Variants in CHRDL1 observed in about 807,000 individuals in gnomAD.
The protein encoded by CHRDL1 is chordin like 1, also known as chordin-like protein 1.
In CHRDL1, 19 loss-of-function variants were observed where a neutral mutation model predicts 40.9. That is an observed-to-expected ratio of 0.46 (90% CI 0.32 to 0.68). CHRDL1 has a LOEUF of 0.68. Ranked by LOEUF, CHRDL1 falls within the 30% of genes least tolerant of loss-of-function variation. CHRDL1 has a pLI of 0.03. For missense variants in CHRDL1, 329 were observed against 352.1 expected (o/e 0.93, Z 0.53); for synonymous variants, 136 against 123.4 (o/e 1.10, Z -0.68).
intron 6 of CHRDL1, among the ~76,000 whole-genome samples, chrX:110,707,895 T>C (rs1324163975): frequency 1.8e-5 from 2 of 111,560 alleles, no homozygotes; most frequent in Non-Finnish European, 3.8e-5. Context: ...AATCTATCTA[T>C]CTGACAAAGA....
chrX:110,710,453 C>T (rs908666771), intron 6 of CHRDL1, among the ~76,000 whole-genome samples: 1 of 112,145 alleles, frequency 8.9e-6, no homozygotes, highest in Non-Finnish European at 1.9e-5. Context: ...GTCCTCCAAT[C>T]CCAGAAACAG....
At chrX:110,706,613 T>C (rs1490267618) in intron 6 of CHRDL1, among the ~76,000 whole-genome samples, 1 of 111,845 alleles carries the variant, frequency 8.9e-6, no homozygotes, top group East Asian at 2.8e-4. Context: ...AGAGGTAAAC[T>C]GTCCTCTCAA....
At chrX:110,791,797 T>C (rs1265477053) in intron 2 of CHRDL1, among the ~76,000 whole-genome samples, 1 of 112,133 alleles carries the variant, frequency 8.9e-6, no homozygotes, top group Non-Finnish European at 1.9e-5. Context: ...TTACGTAAAA[T>C]GTAATGAGAT....
At chrX:110,750,899 T>C (rs1349274217) in intron 4 of CHRDL1, among the ~76,000 whole-genome samples, 3 of 111,728 alleles carry the variant, frequency 2.7e-5, no homozygotes, top group Non-Finnish European at 5.6e-5. Context: ...TTCCAGAGTG[T>C]CTATGTGCTC....
chrX:110,695,905 A>C (rs1329147602), intron 7 of CHRDL1, among the ~76,000 whole-genome samples: 1 of 112,335 alleles, frequency 8.9e-6, no homozygotes, highest in Admixed American at 9.4e-5. Flanking sequence ...ATGTTGGTGC[A>C]TTGCTATCAA....
In CHRDL1 at chrX:110,689,668, T is replaced by A. The variant is rs1160214746; in HGVS notation, c.779-865A>T. 6.4e-4 allele frequency among the ~76,000 whole-genome samples: 25 copies of A among 39,310 alleles called. 6 individuals are homozygous for A. The highest frequency in any genetic ancestry group is 0.02 in the Middle Eastern group (1 of 51). The allele number at this position is 39,310 out of a possible 115,157, so 34.1% of individuals were successfully genotyped here. On this transcript the variant is annotated intron_variant, in intron 8 of 11. Transcript: ENST00000372042. ...TATATCTATATATCATCTATATATC[T>A]ATATATCTATATATCTATATATCTA...
At chrX:110,791,608 C>T (rs1463538039) in intron 2 of CHRDL1, among the ~76,000 whole-genome samples, 1 of 112,118 alleles carries the variant, frequency 8.9e-6, no homozygotes, top group Non-Finnish European at 1.9e-5. Context: ...TTCATCTGAG[C>T]CCAGTTCATA....
chrX:110,778,699 T>C (rs1201711008), intron 2 of CHRDL1, among the ~76,000 whole-genome samples: 1 of 111,886 alleles, frequency 8.9e-6, no homozygotes, highest in Non-Finnish European at 1.9e-5. Context: ...TGGTGATTCC[T>C]CAAAGACCTA....
chrX:110,773,360 T>G (rs934369259), intron 2 of CHRDL1, among the ~76,000 whole-genome samples: 7 of 112,192 alleles, frequency 6.2e-5, no homozygotes, highest in Non-Finnish European at 3.8e-5. Context: ...AGTGTGGTTT[T>G]TAATCTCTAA....
At chrX:110,689,656 CA>C (rs756826246) in intron 8 of CHRDL1, among the ~76,000 whole-genome samples, 1 of 10,514 alleles carries the variant, frequency 9.5e-5, no homozygotes, top group Non-Finnish European at 1.4e-4. Flanking sequence ...ATCTATATAT[CA>C]TCTATATATC....
At chrX:110,706,682 A>G (rs756274415) in intron 6 of CHRDL1, among the ~76,000 whole-genome samples, 1 of 112,206 alleles carries the variant, frequency 8.9e-6, no homozygotes, top group East Asian at 2.8e-4. Context: ...TCAGAGAGCA[A>G]AACTATGCCA....
chrX:110,735,197 A>G (rs2071241476), intron 4 of CHRDL1, among the ~76,000 whole-genome samples: 1 of 111,770 alleles, frequency 8.9e-6, no homozygotes, highest in African/African-American at 3.3e-5. Flanking sequence ...GCAGAGCACT[A>G]CTAGTCCACA....
chrX:110,734,588 A>ACTG (rs1354440456), intron 4 of CHRDL1, among the ~76,000 whole-genome samples: 2 of 112,080 alleles, frequency 1.8e-5, no homozygotes, highest in Non-Finnish European at 3.8e-5. Flanking sequence ...CCAAGGGGAC[A>ACTG]CTGCTATTTA....
At chrX:110,726,753 T>C (rs574026330) in intron 4 of CHRDL1, among the ~76,000 whole-genome samples, 17 of 112,226 alleles carry the variant, frequency 1.5e-4, no homozygotes, top group African/African-American at 5.5e-4. Context: ...AGCAGTAAAG[T>C]TGAAGAATAT....
chrX:110,769,891 T>C (rs2089725510), intron 2 of CHRDL1, among the ~76,000 whole-genome samples: 1 of 112,157 alleles, frequency 8.9e-6, no homozygotes, highest in Admixed American at 9.4e-5. Context: ...TACCAGAGAA[T>C]AAATATTAAA....
intron 4 of CHRDL1, among the ~76,000 whole-genome samples, chrX:110,737,682 T>C (rs1262681082): frequency 1.8e-5 from 2 of 111,972 alleles, no homozygotes; most frequent in Admixed American, 1.9e-4. Flanking sequence ...TCATATTTGT[T>C]CCATATGGCC....
At chrX:110,691,196 AGAGT>A (rs2148428343) in intron 8 of CHRDL1, among the ~76,000 whole-genome samples, 1 of 106,053 alleles carries the variant, frequency 9.4e-6, no homozygotes, top group Non-Finnish European at 1.9e-5. Flanking sequence ...CCTGGGTGAC[AGAGT>A]GAGACCCTGT....
intron 1 of CHRDL1, among the ~76,000 whole-genome samples, chrX:110,794,234 C>T (rs993115172): frequency 3.6e-5 from 4 of 111,855 alleles, no homozygotes; most frequent in Admixed American, 9.4e-5. Flanking sequence ...CGAACTTAGC[C>T]GACTCTTATT....
intron 4 of CHRDL1, among the ~76,000 whole-genome samples, chrX:110,758,679 G>A (rs1000759339): frequency 1.5e-4 from 17 of 111,549 alleles, no homozygotes; most frequent in South Asian, 3.8e-4. Flanking sequence ...AAAAAGCACC[G>A]TCTATACCTT....
Sources: gnomAD v4.1 joint callset for allele counts (sites outside exome capture counted in the v4.1 genomes callset) on GRCh38, gnomAD v4.1.1 for gene constraint, MANE v1.5 for transcripts, NCBI Gene and HGNC (gene_info 2026-07-23, HGNC 2026-07-21) for gene names.